The following POLR1C variants were observed in gnomAD, a reference collection of about 807,000 sequenced individuals.
POLR1C encodes DNA-directed RNA polymerases I and III subunit RPAC1.
A neutral mutation model predicts 38.3 loss-of-function variants in POLR1C; 42 were observed. That is an observed-to-expected ratio of 1.10 (90% CI 0.86 to 1.42). The LOEUF (loss-of-function observed/expected upper bound fraction) is 1.42, where lower values mean the gene tolerates loss of function less well. POLR1C is among the 40% of genes most tolerant of loss of function. POLR1C has a pLI of 0.00. For missense variants in POLR1C, 507 were observed against 450.5 expected (o/e 1.13, Z -1.14); for synonymous variants, 163 against 163.9 (o/e 0.99, Z 0.04).
chr6:43,538,036 G>A (rs1161748941), intron 9 of POLR1C, among the ~76,000 whole-genome samples: 1 of 121,044 alleles, frequency 8.3e-6, no homozygotes, highest in Non-Finnish European at 1.6e-5. Context: ...AGTGAGCTGA[G>A]ATAGCACCAG....
intron 9 of POLR1C, among the ~76,000 whole-genome samples, chr6:43,545,759 C>T (rs1187398280): frequency 2.0e-5 from 3 of 151,944 alleles, no homozygotes; most frequent in Admixed American, 6.6e-5. Context: ...ACAAAAAGCA[C>T]TCTTTGGCCA....
rs1432378470 is a variant in POLR1C at position 43,520,090 on chromosome 6, A to T, written c.407A>T (p.Asp136Val). The change falls in exon 5 of 9, where the codon GAT becomes GTT. Residue 136 changes from aspartate to valine, a missense_variant. Physicochemically the swap from Asp to Val is radical, Grantham distance 152. Coordinates refer to ENST00000642195, the MANE Select transcript of POLR1C (RefSeq NM_203290.4). ...NQGDEEGTEI[D>V]TLQFRLQVRC... Reference sequence around the variant, plus strand: ...GGAGATGAAGAAGGCACAGAGATAGATACTCTACAGTTTCGTCTCCAGGTC... The same window carrying T: ...GGAGATGAAGAAGGCACAGAGATAGTTACTCTACAGTTTCGTCTCCAGGTC... The T allele has an allele frequency of 1.4e-5, 22 of 1,614,090 alleles. No homozygotes were observed. Among genetic ancestry groups the T allele is most frequent in the Non-Finnish European group, 1.5e-5 (18 of 1,180,046 alleles).
intron 9 of POLR1C, among the ~76,000 whole-genome samples, chr6:43,536,758 TAAAAAAAAAAAAA>T (rs1156884252): frequency 2.6e-4 from 5 of 19,082 alleles, no homozygotes; most frequent in East Asian, 2.0e-3. Flanking sequence ...AGACTCTATC[TAAAAAAAAAAAAA>T]AAAAAAAAAA....
intron 9 of POLR1C, among the ~76,000 whole-genome samples, chr6:43,535,642 C>T (rs1794268607): frequency 6.6e-6 from 1 of 150,800 alleles, no homozygotes; most frequent in African/African-American, 2.4e-5. Flanking sequence ...AACCCCATCT[C>T]TACTAAAAAT....
intron 10 of POLR1C, among the ~76,000 whole-genome samples, chr6:43,554,437 CTTTTT>C (rs568156476): frequency 1.0e-5 from 1 of 96,666 alleles, no homozygotes; most frequent in Non-Finnish European, 2.1e-5. Context: ...TTTTTTTTTT[CTTTTT>C]TGAGATGGAG....
At chr6:43,546,765 A>G in intron 9 of POLR1C, 1 of 1,551,742 alleles carries the variant, frequency 6.4e-7, no homozygotes, top group Non-Finnish European at 8.7e-7. Context: ...ATAGAAAAAT[A>G]AGAATGACAG....
intron 10 of POLR1C, chr6:43,555,991 G>A (rs1447595323): frequency 6.2e-7 from 1 of 1,611,818 alleles, no homozygotes; most frequent in African/African-American, 1.3e-5. Flanking sequence ...CCAAGGGAAG[G>A]ACAGGAATCA....
intron 9 of POLR1C, chr6:43,549,966 GTTTA>G (rs1443006635): frequency 1.9e-6 from 3 of 1,605,116 alleles, no homozygotes; most frequent in South Asian, 2.2e-5. Flanking sequence ...GGTCACTCAT[GTTTA>G]TTTGTTTTAG....
At chr6:43,553,408 C>T in intron 10 of POLR1C, 1 of 1,607,104 alleles carries the variant, frequency 6.2e-7, no homozygotes, top group Admixed American at 1.7e-5. Flanking sequence ...TGGGTGATAA[C>T]ACTTTCCAAA....
chr6:43,553,884 TATA>T (rs1291374174), intron 10 of POLR1C, among the ~76,000 whole-genome samples: 6 of 152,004 alleles, frequency 3.9e-5, no homozygotes, highest in African/African-American at 1.4e-4. Context: ...CCTCCCCCTT[TATA>T]ATCTTTTCCA....
At chr6:43,525,801 G>A, downstream of POLR1C, 1 of 1,603,504 alleles carries the variant, frequency 6.2e-7, no homozygotes, top group Non-Finnish European at 8.5e-7. Flanking sequence ...TCCCCACCTG[G>A]GCAAGGAGTA....
intron 9 of POLR1C, chr6:43,549,806 T>C: frequency 7.1e-7 from 1 of 1,415,388 alleles, no homozygotes; most frequent in Non-Finnish European, 9.7e-7. Context: ...CCCCCTCCCA[T>C]TTATATAAAA....
At chr6:43,553,028 T>TAAAAAAAGATAAAA (rs11274964) in intron 10 of POLR1C, among the ~76,000 whole-genome samples, 1 of 152,058 alleles carries the variant, frequency 6.6e-6, no homozygotes, top group African/African-American at 2.4e-5. Flanking sequence ...ACTACCAGTT[T>TAAAAAAAGATAAAA]ACTGGCCAGG....
chr6:43,520,955 A>T lies in POLR1C; in HGVS notation c.829A>T (p.Asn277Tyr). 6.2e-7 allele frequency: 1 copy of T among 1,614,206 alleles called. No individual in the cohort carries two copies. Among genetic ancestry groups the T allele is most frequent in the Non-Finnish European group, 8.5e-7 (1 of 1,180,018 alleles). The change falls in exon 8 of 9, where the codon AAC becomes TAC. Residue 277 changes from asparagine (N) to tyrosine (Y), a missense_variant. Transcript: ENST00000642195. ...VQGKKVARVA[N>Y]PRLDTFSREI... ...AGGTAAAAAGGTGGCCAGAGTTGCC[A>T]ACCCCCGGCTGGATACCTTCAGCAG... is the stretch of plus-strand genomic sequence containing the variant.
At chr6:43,530,047 G>C (rs1054677139), downstream of POLR1C, among the ~76,000 whole-genome samples, 9 of 152,180 alleles carry the variant, frequency 5.9e-5, no homozygotes, top group Admixed American at 2.0e-4. Context: ...TTGAGGTCAG[G>C]AGTTTGAGAC....
downstream of POLR1C, chr6:43,530,557 G>T: frequency 9.3e-7 from 1 of 1,076,726 alleles, no homozygotes. Context: ...TTAATGACAT[G>T]ATACACTTAG....
At chr6:43,554,984 C>T (rs1761977001) in intron 10 of POLR1C, 1 of 149,190 alleles carries the variant, frequency 6.7e-6, no homozygotes, top group Non-Finnish European at 1.5e-5. Flanking sequence ...TCTCGTTGCC[C>T]AGGCTGGAGT....
At chr6:43,551,510 T>C in intron 10 of POLR1C, 1 of 1,589,296 alleles carries the variant, frequency 6.3e-7, no homozygotes, top group East Asian at 2.2e-5. Flanking sequence ...GAAATAACCA[T>C]TTTGGCTACA....
downstream of POLR1C, chr6:43,530,723 T>TTCA: frequency 6.2e-7 from 1 of 1,614,004 alleles, no homozygotes; most frequent in Non-Finnish European, 8.5e-7. Context: ...AGGAATATTG[T>TTCA]TCAAGTTGAC....
Sources: gnomAD v4.1 joint callset for allele counts (sites outside exome capture counted in the v4.1 genomes callset) on GRCh38, gnomAD v4.1.1 for gene constraint, MANE v1.5 for transcripts, NCBI Gene and HGNC (gene_info 2026-07-23, HGNC 2026-07-21) for gene names.